Variants in FRMPD2 observed in about 807,000 individuals in gnomAD.
FRMPD2 encodes FERM and PDZ domain-containing protein 2.
Under a neutral mutation model 140.1 loss-of-function variants are expected in FRMPD2, and 96 were observed. The observed-to-expected ratio is 0.69, with a 90% CI of 0.58 to 0.81. The LOEUF (loss-of-function observed/expected upper bound fraction) is 0.81. Among genes scored for constraint, FRMPD2 ranks in the 40% least tolerant of loss-of-function variants. FRMPD2 has a pLI of 0.00. For missense variants in FRMPD2, 1,240 were observed against 1,447.4 expected (o/e 0.86, Z 2.32); for synonymous variants, 449 against 547.6 (o/e 0.82, Z 2.52).
intron 9 of FRMPD2, 139 bp downstream of exon 9, chr10:48,236,343 G>A: frequency 1.4e-6 from 1 of 730,042 alleles, no homozygotes; most frequent in South Asian, 1.7e-5. Flanking sequence ...GGCAGTGATG[G>A]TTCTGGCAGA....
chr10:48,184,577 G>C lies in FRMPD2; in HGVS notation c.2573C>G (p.Ser858Cys), dbSNP rs750724108. The change falls in exon 20 of 29, where the codon TCT becomes TGT. Residue 858 changes from serine (S) to cysteine (C), a missense_variant. By Grantham distance (112) the Ser-to-Cys change is moderately radical. Around this residue, in one of 6 missense-constraint regions of FRMPD2, gnomAD observed 1,161 missense variants for 1,055.9 expected, o/e 1.10. Transcript: ENST00000374201. ...NSPDNIELII[S>C]QSKGVGGNNP... The stretch of plus-strand genomic sequence containing the variant: ...GGGTTAAAACATACCTTTTGACTGA[G>C]AAATAATTAATTCTATGTTGTCAGG... 6.2e-7 allele frequency: 1 copy of C among 1,604,994 alleles called. No individual in the cohort carries two copies. Among genetic ancestry groups the C allele is most frequent in the Non-Finnish European group, 8.5e-7 (1 of 1,171,796 alleles).
In FRMPD2 at chr10:48,249,174, G is replaced by A; in HGVS notation, c.156C>T (p.Ser52=). 1 of 1,613,742 alleles carries A rather than the reference G, an allele frequency of 6.2e-7. No individual in the cohort carries two copies. Among genetic ancestry groups the A allele is most frequent in the Non-Finnish European group, 8.5e-7 (1 of 1,179,800 alleles). Residue 52 remains serine, a synonymous_variant, in exon 3 of 29, where the codon TCC becomes TCT. Transcript: ENST00000374201. The part of the protein sequence containing the change: ...EQLLEDLRND[S]SDYVVCPWSA... ...ACCAGGGGCAAACCACATAGTCCGA[G>A]GAATCTGAAACCAAGCCAGTGATGG...
intron 12 of FRMPD2, among the ~76,000 whole-genome samples, chr10:48,214,391 A>T (rs189820639): frequency 1.3e-5 from 2 of 152,358 alleles, no homozygotes; most frequent in East Asian, 3.9e-4. Flanking sequence ...AATGTACAAC[A>T]TCAAGAGTAA....
intron 6 of FRMPD2, 103 bp from the exon 7 acceptor site, chr10:48,239,795 GT>G (rs1840060846): frequency 1.3e-6 from 1 of 758,878 alleles, no homozygotes; most frequent in Admixed American, 2.2e-5. Flanking sequence ...TACTAGCTGT[GT>G]GACCTTGGTG....
rs1366039026 is a variant in FRMPD2, at chr10:48,232,258, CT to C, written c.1024del (p.Arg342GlyfsTer8). 1 of 1,612,762 alleles carries C rather than the reference CT, an allele frequency of 6.2e-7. No homozygotes were observed. Among genetic ancestry groups the C allele is most frequent in the African/African-American group, 1.3e-5 (1 of 74,868 alleles). On this transcript the variant is annotated frameshift_variant, in exon 10 of 29. Coordinates refer to ENST00000374201, the MANE Select transcript of FRMPD2 (RefSeq NM_001018071.4). LOFTEE classifies it high-confidence loss of function. The stretch of plus-strand genomic sequence containing the variant: ...GTTCAGCAGGACCACACAGAGGTCC[CT>C]GAGAGCCAAATAGGATTTCCCTTTT... ...TKKGKSYLAL[R>X]DLCVVLLNGQ... is the part of the protein sequence containing the mutation.
At chr10:48,206,998 C>T in intron 13 of FRMPD2, 65 bp from the exon 14 acceptor site, 1 of 1,434,418 alleles carries the variant, frequency 7.0e-7, no homozygotes, top group Non-Finnish European at 9.5e-7. Flanking sequence ...GGCCTCACGC[C>T]ATTCACTCCA....
At chr10:48,230,308 G>A (rs906713257) in intron 10 of FRMPD2, among the ~76,000 whole-genome samples, 1 of 152,152 alleles carries the variant, frequency 6.6e-6, no homozygotes, top group South Asian at 2.1e-4. Context: ...AATAAAATAT[G>A]CTCTCTTTAT....
At chr10:48,220,074 G>A (rs941259507) in intron 12 of FRMPD2, among the ~76,000 whole-genome samples, 1 of 152,138 alleles carries the variant, frequency 6.6e-6, no homozygotes, top group African/African-American at 2.4e-5. Context: ...GACAATGTCT[G>A]GGTAAATGCC....
intron 16 of FRMPD2, among the ~76,000 whole-genome samples, chr10:48,188,406 C>T (rs959633334): frequency 2.6e-5 from 4 of 152,166 alleles, no homozygotes; most frequent in East Asian, 3.9e-4. Flanking sequence ...TGGAGACTGG[C>T]GACAGATGAG....
chr10:48,238,272 T>C lies in FRMPD2; in HGVS notation c.789-149A>G, dbSNP rs2131939944. 7 of 810,094 alleles carry C rather than the reference T, an allele frequency of 8.6e-6. No individual in the cohort carries two copies. The East Asian group carries it at 1.9e-4, about 22-fold the overall frequency. The allele number at this position is 810,094 out of a possible 1,614,324, so 50.2% of individuals were successfully genotyped here. On this transcript the variant is annotated intron_variant, in intron 7 of 28. Coordinates refer to ENST00000374201, the MANE Select transcript of FRMPD2 (RefSeq NM_001018071.4). Reference sequence around the variant, plus strand: ...CCCACCTATGGGGGAGTTATATCCATTTTTCAAGTGGGGGAAGCTGAGGCC... The same window carrying C: ...CCCACCTATGGGGGAGTTATATCCACTTTTCAAGTGGGGGAAGCTGAGGCC...
At position 48,185,642 on chromosome 10, in the gene FRMPD2, G is replaced by T. The variant is rs146111349; in HGVS notation, c.2270C>A (p.Ser757Ter). 405 of 1,612,398 alleles carry T rather than the reference G, an allele frequency of 2.5e-4. No individual in the cohort carries two copies. Among genetic ancestry groups the T allele is most frequent in the Non-Finnish European group, 3.0e-4 (348 of 1,178,550 alleles). Reference sequence around the variant, plus strand: ...AAAGCTCTTCCTCCTATTATTCTTTGAGCCTAGAGGTAGAATCAGAGCACC... The same window carrying T: ...AAAGCTCTTCCTCCTATTATTCTTTTAGCCTAGAGGTAGAATCAGAGCACC... ...GPPVQSMHAG[S>*]KNNRRKSFIA... is the part of the protein sequence containing the mutation. The change falls in exon 18 of 29, where the codon TCA becomes TAA. Residue 757 changes from serine (S) to a stop codon, truncating the protein, a stop_gained. Coordinates refer to ENST00000374201, the MANE Select transcript of FRMPD2 (RefSeq NM_001018071.4). LOFTEE classifies it high-confidence loss of function.
At chr10:48,268,726 G>C (rs942753151) in intron 1 of FRMPD2, among the ~76,000 whole-genome samples, 2 of 152,232 alleles carry the variant, frequency 1.3e-5, no homozygotes, top group South Asian at 4.1e-4. Context: ...GGAGCTGGGG[G>C]AGATCTTTGT....
intron 3 of FRMPD2, among the ~76,000 whole-genome samples, chr10:48,247,512 A>G (rs1840277610): frequency 6.6e-6 from 1 of 152,270 alleles, no homozygotes; most frequent in Non-Finnish European, 1.5e-5. Context: ...GCACAGCCTG[A>G]AGTGCAGCAG....
intron 1 of FRMPD2, among the ~76,000 whole-genome samples, chr10:48,260,161 T>TGATA (rs569972059): frequency 3.5e-4 from 53 of 151,910 alleles, no homozygotes; most frequent in East Asian, 3.5e-3. Flanking sequence ...ATAGATAGAT[T>TGATA]GATAGATAGA....
intron 12 of FRMPD2, among the ~76,000 whole-genome samples, chr10:48,221,019 A>G (rs1367851230): frequency 6.6e-6 from 1 of 152,240 alleles, no homozygotes; most frequent in Non-Finnish European, 1.5e-5. Flanking sequence ...ACCACTATGG[A>G]AAGCAGTGTG....
intron 13 of FRMPD2, among the ~76,000 whole-genome samples, chr10:48,210,762 A>G (rs1261606982): frequency 6.6e-6 from 1 of 152,262 alleles, no homozygotes; most frequent in Admixed American, 6.5e-5. Flanking sequence ...ATAGTTCTGC[A>G]AAATGACCAG....
At chr10:48,229,630 A>C (rs1264557448) in intron 10 of FRMPD2, among the ~76,000 whole-genome samples, 1 of 152,134 alleles carries the variant, frequency 6.6e-6, no homozygotes, top group Non-Finnish European at 1.5e-5. Flanking sequence ...AATGTTCCTA[A>C]AATTGTACAA....
intron 16 of FRMPD2, among the ~76,000 whole-genome samples, chr10:48,190,465 C>T (rs1564419946): frequency 6.6e-6 from 1 of 152,202 alleles, no homozygotes; most frequent in Non-Finnish European, 1.5e-5. Flanking sequence ...TTGCCCTCAA[C>T]AGCTACCTGG....
rs1293078380 is a variant in FRMPD2 at position 48,163,765 on chromosome 10, G to C, written c.3538-94C>G. ...TTTTCCCCCATGTGATTATAGATCA[G>C]AGTAGTTACAAGATGGGCTTTGAGG... On this transcript the variant is annotated intron_variant, in intron 27 of 28. Transcript: ENST00000374201. 6.2e-5 allele frequency: 40 copies of C among 649,190 alleles called. 1 individual carries two copies. The highest frequency in any genetic ancestry group is 1.7e-5 in the Non-Finnish European group (6 of 360,162). 40.2% of individuals were successfully genotyped at this position (649,190 alleles called of 1,614,324 possible).
Sources: allele counts gnomAD v4.1 joint callset (sites outside exome capture counted in the v4.1 genomes callset), GRCh38; gene constraint gnomAD v4.1.1; regional missense constraint gnomAD v4.1.1; transcripts MANE v1.5; gene names NCBI Gene and HGNC (gene_info 2026-07-23, HGNC 2026-07-21).